VAV2: variants seen among roughly 807,000 people sequenced by gnomAD.
VAV2 encodes the protein guanine nucleotide exchange factor VAV2.
VAV2 carries 67 observed loss-of-function variants against 132.5 expected under a neutral mutation model. That is an observed-to-expected ratio of 0.51 (90% CI 0.42 to 0.62). The LOEUF (loss-of-function observed/expected upper bound fraction) is 0.62. VAV2 is among the 20% of genes least tolerant of loss of function. VAV2 has a pLI of 0.00. For synonymous variants in VAV2, 492 were observed against 443.5 expected (o/e 1.11, Z -1.37); for missense variants, 938 against 1,153.6 (o/e 0.81, Z 2.71).
At position 133,969,851 on chromosome 9, in the gene VAV2, G is replaced by A. The variant is rs1430620041; in HGVS notation, c.204+22224C>T. Reference sequence around the variant, plus strand: ...GGGCTCCAGGCCTCCCTCTCCAGGTGTCCCTGTAGTGCAGACACAGTGGAG... The same window carrying A: ...GGGCTCCAGGCCTCCCTCTCCAGGTATCCCTGTAGTGCAGACACAGTGGAG... On this transcript the variant is annotated intron_variant, in intron 1 of 29. Coordinates refer to ENST00000371850, the MANE Select transcript of VAV2 (RefSeq NM_001134398.2). The surrounding 1 kb of genome is among the most constrained non-coding windows in gnomAD (Gnocchi z 5.1). Among the ~76,000 whole-genome samples, 1 of 151,984 alleles carries A rather than the reference G, an allele frequency of 6.6e-6. No homozygotes were observed.
chr9:133,870,424 C>A (rs935939944), intron 2 of VAV2, among the ~76,000 whole-genome samples: 6 of 152,142 alleles, frequency 3.9e-5, no homozygotes, highest in African/African-American at 1.4e-4. Flanking sequence ...GCTCGAAAGT[C>A]ATTTAGAAGG....
rs1840494899 is a variant in VAV2, at chr9:133,926,811, G to C, written c.321+12292C>G. Among the ~76,000 whole-genome samples the C allele has an allele frequency of 6.6e-6, 1 of 152,184 alleles. No homozygotes were observed. Among genetic ancestry groups the C allele is most frequent in the Non-Finnish European group, 1.5e-5 (1 of 68,038 alleles). On this transcript the variant is annotated intron_variant, in intron 2 of 29. Transcript: ENST00000371850. The surrounding 1 kb of genome is among the most constrained non-coding windows in gnomAD (Gnocchi z 4.3). ...GTCTTCCCAGGCTCCGATCATCTGA[G>C]GCTGCATGTCCTGGCACCAGCTGAG...
At chr9:133,910,184 A>G (rs1839827905) in intron 2 of VAV2, among the ~76,000 whole-genome samples, 2 of 152,292 alleles carry the variant, frequency 1.3e-5, no homozygotes, top group East Asian at 3.9e-4. Context: ...AACCATGACC[A>G]TGAGGATGGA....
At chr9:133,959,612 C>T (rs911060588) in intron 1 of VAV2, among the ~76,000 whole-genome samples, 4 of 152,250 alleles carry the variant, frequency 2.6e-5, no homozygotes, top group Non-Finnish European at 5.9e-5. Context: ...ACCACGTCCC[C>T]TATCTTGTCC....
At position 133,883,249 on chromosome 9, in the gene VAV2, C is replaced by A. The variant is rs965259828; in HGVS notation, c.322-21817G>T. Among the ~76,000 whole-genome samples the A allele has an allele frequency of 6.6e-6, 1 of 152,206 alleles. No individual in the cohort carries two copies. Among genetic ancestry groups the A allele is most frequent in the African/African-American group, 2.4e-5 (1 of 41,454 alleles). Reference sequence around the variant, plus strand: ...CTCATTTCACGTTCCCCTAATCATGCGAAGAGCCCTGGTAATTGACAACGA... The same window carrying A: ...CTCATTTCACGTTCCCCTAATCATGAGAAGAGCCCTGGTAATTGACAACGA... On this transcript the variant is annotated intron_variant, in intron 2 of 29. Transcript: ENST00000371850. This position sits in a 1 kb window ranked among gnomAD's most constrained non-coding sequence, Gnocchi z 4.2.
intron 1 of VAV2, among the ~76,000 whole-genome samples, chr9:133,956,705 G>A (rs573651529): frequency 2.6e-5 from 4 of 152,212 alleles, no homozygotes; most frequent in African/African-American, 7.2e-5. Context: ...ACCAGGGGGC[G>A]AGGGAGCGGG....
At chr9:133,947,892 C>T (rs1043993937) in intron 1 of VAV2, among the ~76,000 whole-genome samples, 8 of 151,638 alleles carry the variant, frequency 5.3e-5, no homozygotes, top group Admixed American at 3.3e-4. Context: ...CAGGTTCAAG[C>T]GATTCTCCCG....
rs905106659 is a variant in VAV2, at chr9:133,919,590, G to A, written c.321+19513C>T. Among the ~76,000 whole-genome samples the A allele has an allele frequency of 2.0e-5, 3 of 152,190 alleles. No homozygotes were observed. The highest frequency in any genetic ancestry group is 2.9e-5 in the Non-Finnish European group (2 of 68,034). ...CAGCAAGGGAAGCCACCAGGACACC[G>A]GGTTTTTCCTGAACATTCCTCCCAT... On this transcript the variant is annotated intron_variant, in intron 2 of 29. Transcript: ENST00000371850. The surrounding 1 kb of genome is among the most constrained non-coding windows in gnomAD (Gnocchi z 5.8).
At chr9:133,907,557 C>G (rs1262659127) in intron 2 of VAV2, among the ~76,000 whole-genome samples, 1 of 152,204 alleles carries the variant, frequency 6.6e-6, no homozygotes, top group Non-Finnish European at 1.5e-5. Flanking sequence ...TAAGCTCCAC[C>G]ACGTTGGAAA....
chr9:133,858,562 A>G (rs1441771134), intron 3 of VAV2, among the ~76,000 whole-genome samples: 2 of 151,904 alleles, frequency 1.3e-5, no homozygotes, highest in Non-Finnish European at 2.9e-5. Context: ...GAATCTGAGA[A>G]CCTGAGGATG....
chr9:133,913,492 G>A (rs771462847), intron 2 of VAV2, among the ~76,000 whole-genome samples: 3 of 152,182 alleles, frequency 2.0e-5, no homozygotes, highest in Non-Finnish European at 4.4e-5. Context: ...GAATCTTCAA[G>A]GGCGGTTTCT....
chr9:133,868,091 C>T (rs1837878376), intron 2 of VAV2, among the ~76,000 whole-genome samples: 1 of 152,208 alleles, frequency 6.6e-6, no homozygotes. Context: ...CTGTCTTGTT[C>T]CATGTTTAAA....
chr9:133,799,332 C>T (rs192362170), intron 9 of VAV2, among the ~76,000 whole-genome samples: 524 of 152,332 alleles, frequency 3.4e-3, no homozygotes, highest in Middle Eastern at 6.8e-3. Context: ...ACCCTCCCAG[C>T]GCTGCGCGTG....
rs1459746515 is a variant in VAV2 at position 133,918,755 on chromosome 9, A to ATGTG, written c.321+20344_321+20347dup. 8.5e-6 allele frequency among the ~76,000 whole-genome samples: 1 copy of ATGTG among 117,532 alleles called. No individual in the cohort carries two copies. The highest frequency in any genetic ancestry group is 1.6e-5 in the Non-Finnish European group (1 of 64,416). The allele number at this position is 117,532 out of a possible 152,430, so 77.1% of individuals were successfully genotyped here. On this transcript the variant is annotated intron_variant, in intron 2 of 29. Coordinates refer to ENST00000371850, the MANE Select transcript of VAV2 (RefSeq NM_001134398.2). The surrounding 1 kb of genome is among the most constrained non-coding windows in gnomAD (Gnocchi z 4.7). ...CTAAGCCTCCCAAGAAGCAGCCGCC[A>ATGTG]TGTGTGTGTGTGTGTTTGTTTGTTT...
At chr9:133,916,621 A>G (rs924379157) in intron 2 of VAV2, among the ~76,000 whole-genome samples, 1 of 152,060 alleles carries the variant, frequency 6.6e-6, no homozygotes, top group African/African-American at 2.4e-5. Flanking sequence ...GGGAGAGAGA[A>G]GAGCCGGGAG....
chr9:133,862,963 C>T (rs976062651), intron 2 of VAV2, among the ~76,000 whole-genome samples: 2 of 152,182 alleles, frequency 1.3e-5, no homozygotes, highest in African/African-American at 4.8e-5. Flanking sequence ...TCGGGACCGG[C>T]GCTCAGGGAA....
At chr9:133,953,640 C>G (rs1323552526) in intron 1 of VAV2, among the ~76,000 whole-genome samples, 1 of 152,184 alleles carries the variant, frequency 6.6e-6, no homozygotes, top group Non-Finnish European at 1.5e-5. Flanking sequence ...ACCCAGTTCC[C>G]TCTGACCACC....
At chr9:133,989,091 C>A (rs556066682) in intron 1 of VAV2, among the ~76,000 whole-genome samples, 12 of 152,236 alleles carry the variant, frequency 7.9e-5, no homozygotes, top group African/African-American at 2.9e-4. Context: ...GCAATCCCAA[C>A]ACTTTGGGAG....
chr9:133,817,382 G>A (rs1835599581), intron 4 of VAV2, among the ~76,000 whole-genome samples: 1 of 152,156 alleles, frequency 6.6e-6, no homozygotes, highest in Admixed American at 6.5e-5. Flanking sequence ...GCCTGGCGTG[G>A]TGGCGCACGC....
Sources: gnomAD v4.1 joint callset for allele counts (sites outside exome capture counted in the v4.1 genomes callset) on GRCh38, gnomAD v4.1.1 for gene constraint, Gnocchi (gnomAD v3.1) non-coding constraint, MANE v1.5 for transcripts, NCBI Gene and HGNC (gene_info 2026-07-23, HGNC 2026-07-21) for gene names.